Variants in AGBL4 observed in about 807,000 individuals in gnomAD.
AGBL4 encodes cytosolic carboxypeptidase 6.
In AGBL4, 58 loss-of-function variants were observed where a neutral mutation model predicts 66.4. That is an observed-to-expected ratio of 0.87 (90% CI 0.71 to 1.09). AGBL4 has a LOEUF of 1.09. Among genes scored for constraint, AGBL4 ranks in the 50% least tolerant of loss-of-function variants. The pLI is 0.00. For synonymous variants in AGBL4, 234 were observed against 222.9 expected (o/e 1.05, Z -0.44); for missense variants, 579 against 631.0 (o/e 0.92, Z 0.88).
At chr1:48,534,982 G>C in intron 12 of AGBL4, 66 bp from the exon 13 acceptor site, 2 of 1,396,714 alleles carry the variant, frequency 1.4e-6, no homozygotes, top group African/African-American at 1.4e-5. Context: ...AGTTGAAGAG[G>C]TGCTATTCAT....
chr1:49,437,980 C>A (rs1196822413), intron 3 of AGBL4, among the ~76,000 whole-genome samples: 1 of 152,072 alleles, frequency 6.6e-6, no homozygotes, highest in African/African-American at 2.4e-5. Context: ...TTTAAATAAA[C>A]CAGGTACTAC....
intron 1 of AGBL4, among the ~76,000 whole-genome samples, chr1:50,010,469 A>AACACACACACACACACAC (rs113933841): frequency 1.7e-4 from 26 of 149,062 alleles, no homozygotes; most frequent in African/African-American, 5.7e-4. Context: ...AGGAACCACA[A>AACACACACACACACACAC]ACACACACAC....
chr1:49,089,908 G>A (rs932012148), intron 4 of AGBL4, among the ~76,000 whole-genome samples: 1 of 152,130 alleles, frequency 6.6e-6, no homozygotes, highest in Non-Finnish European at 1.5e-5. Context: ...CCATGATCAA[G>A]CAGGCTTTAT....
intron 5 of AGBL4, among the ~76,000 whole-genome samples, chr1:48,977,152 A>T (rs751386327): frequency 2.6e-4 from 40 of 152,270 alleles, no homozygotes; most frequent in Middle Eastern, 3.4e-3. Flanking sequence ...ATGCATGAAT[A>T]CCGAGTACAA....
Position 49,772,037 on chromosome 1 carries a change from G to A in AGBL4, c.158-74600C>T, listed in dbSNP as rs563960789. Among the ~76,000 whole-genome samples, 4 of 151,998 alleles carry A rather than the reference G, an allele frequency of 2.6e-5. No individual in the cohort carries two copies. In the East Asian group the frequency reaches 5.8e-4, roughly 22 times the overall value. ...ATATTAATCATTTTTTCATTGTTTTGTAGATCCCTTCTTCCTTTCTTCCTC... is the reference window on the plus strand; with the variant it reads ...ATATTAATCATTTTTTCATTGTTTTATAGATCCCTTCTTCCTTTCTTCCTC... On this transcript the variant is annotated intron_variant, in intron 2 of 13. Transcript: ENST00000371839.
chr1:49,709,467 A>G (rs570315629), intron 2 of AGBL4, among the ~76,000 whole-genome samples: 19 of 152,330 alleles, frequency 1.2e-4, no homozygotes, highest in Admixed American at 1.2e-3. Flanking sequence ...GAGAATTTCA[A>G]GCCAGAGAAT....
At chr1:49,879,281 T>C (rs1183708967) in intron 1 of AGBL4, among the ~76,000 whole-genome samples, 9 of 151,506 alleles carry the variant, frequency 5.9e-5, no homozygotes, top group Non-Finnish European at 1.0e-4. Flanking sequence ...TTTGGCATGA[T>C]TTTGCAGTGG....
intron 4 of AGBL4, among the ~76,000 whole-genome samples, chr1:49,118,690 A>G (rs1402858389): frequency 1.3e-5 from 2 of 152,306 alleles, no homozygotes. Context: ...AGGCTTTGGT[A>G]TCAGGATGAT....
intron 3 of AGBL4, among the ~76,000 whole-genome samples, chr1:49,464,527 A>G (rs1195981958): frequency 2.6e-5 from 4 of 151,766 alleles, no homozygotes; most frequent in African/African-American, 9.7e-5. Flanking sequence ...AACAAAACCA[A>G]GCCCAAAATG....
intron 2 of AGBL4, among the ~76,000 whole-genome samples, chr1:49,767,593 G>T (rs1389840317): frequency 6.6e-6 from 1 of 151,592 alleles, no homozygotes; most frequent in Non-Finnish European, 1.5e-5. Flanking sequence ...GAAAAAAAAA[G>T]AAGTAAAATC....
At chr1:49,519,861 G>C (rs557536138) in intron 3 of AGBL4, among the ~76,000 whole-genome samples, 11 of 152,244 alleles carry the variant, frequency 7.2e-5, no homozygotes, top group African/African-American at 2.6e-4. Context: ...GTGAGGCATA[G>C]AGTGCTGTAG....
intron 1 of AGBL4, among the ~76,000 whole-genome samples, chr1:49,916,859 A>C (rs2148226300): frequency 6.6e-6 from 1 of 152,318 alleles, no homozygotes; most frequent in Non-Finnish European, 1.5e-5. Flanking sequence ...CCACAAAGGG[A>C]AGCCCATCAG....
intron 4 of AGBL4, among the ~76,000 whole-genome samples, chr1:49,094,428 G>C (rs1645055097): frequency 6.6e-6 from 1 of 152,046 alleles, no homozygotes; most frequent in Non-Finnish European, 1.5e-5. Flanking sequence ...GGCCTTTTCT[G>C]CATCTATTGA....
intron 6 of AGBL4, among the ~76,000 whole-genome samples, chr1:48,841,944 T>TA (rs1465233423): frequency 2.0e-5 from 3 of 152,196 alleles, no homozygotes; most frequent in Non-Finnish European, 4.4e-5. Flanking sequence ...ATGCAAATCT[T>TA]ACGTTCTAAA....
At chr1:49,962,537 T>C (rs1373672575) in intron 1 of AGBL4, among the ~76,000 whole-genome samples, 1 of 152,162 alleles carries the variant, frequency 6.6e-6, no homozygotes, top group Non-Finnish European at 1.5e-5. Flanking sequence ...ATATTGTACC[T>C]AACCTTCCAC....
At chr1:49,705,499 C>A (rs1647192090) in intron 2 of AGBL4, among the ~76,000 whole-genome samples, 1 of 152,120 alleles carries the variant, frequency 6.6e-6, no homozygotes. Flanking sequence ...GACAATTTGA[C>A]TTCCTCTCTT....
intron 4 of AGBL4, among the ~76,000 whole-genome samples, chr1:49,135,952 T>G (rs545361947): frequency 1.5e-4 from 23 of 152,186 alleles, no homozygotes; most frequent in Non-Finnish European, 2.6e-4. Context: ...AACTGAATTG[T>G]GAGACCACAG....
intron 6 of AGBL4, chr1:48,776,873 G>A: frequency 1.4e-6 from 2 of 1,381,924 alleles, no homozygotes; most frequent in Non-Finnish European, 1.9e-6. Context: ...AGCTCAGCCC[G>A]CGGGGCGGGC....
intron 3 of AGBL4, among the ~76,000 whole-genome samples, chr1:49,276,687 G>T (rs1234005226): frequency 6.6e-6 from 1 of 152,098 alleles, no homozygotes; most frequent in Non-Finnish European, 1.5e-5. Flanking sequence ...GACCATCTTT[G>T]CTAGTCAAGC....
Sources: allele counts gnomAD v4.1 joint callset (sites outside exome capture counted in the v4.1 genomes callset), GRCh38; gene constraint gnomAD v4.1.1; transcripts MANE v1.5; gene names NCBI Gene and HGNC (gene_info 2026-07-23, HGNC 2026-07-21).